The following PLCB1 variants were observed in gnomAD, a reference collection of about 807,000 sequenced individuals.
PLCB1 encodes phospholipase C beta 1.
Under a neutral mutation model 161.8 loss-of-function variants are expected in PLCB1, and 46 were observed. The observed-to-expected ratio is 0.28, with a 90% CI of 0.22 to 0.36. PLCB1 has a LOEUF of 0.36. Ranked by LOEUF, PLCB1 falls within the 10% of genes least tolerant of loss-of-function variation. The pLI, the probability that PLCB1 is intolerant of heterozygous loss-of-function variation, is 1.00. For missense variants in PLCB1, 1,016 were observed against 1,472.5 expected (o/e 0.69, Z 5.07); for synonymous variants, 517 against 503.7 (o/e 1.03, Z -0.35).
intron 3 of PLCB1, among the ~76,000 whole-genome samples, chr20:8,455,432 C>CTTTTT (rs1175763739): frequency 9.4e-5 from 7 of 74,164 alleles, no homozygotes; most frequent in Admixed American, 4.0e-4. Flanking sequence ...TATTCTTCCT[C>CTTTTT]TTTTTTTTTT....
At chr20:8,586,187 T>C (rs1986983587) in intron 3 of PLCB1, among the ~76,000 whole-genome samples, 1 of 152,372 alleles carries the variant, frequency 6.6e-6, no homozygotes, top group African/African-American at 2.4e-5. Flanking sequence ...GCCCTTGATA[T>C]GGCAAAAGAT....
intron 10 of PLCB1, among the ~76,000 whole-genome samples, chr20:8,690,395 A>T (rs1340665372): frequency 6.6e-6 from 1 of 152,106 alleles, no homozygotes; most frequent in Non-Finnish European, 1.5e-5. Flanking sequence ...TTTTTCAAGG[A>T]TAGTTAGGCA....
chr20:8,200,410 G>T (rs1012212370), intron 2 of PLCB1, among the ~76,000 whole-genome samples: 1 of 151,980 alleles, frequency 6.6e-6, no homozygotes, highest in Non-Finnish European at 1.5e-5. Flanking sequence ...TTTTGTTATA[G>T]AAAATGTGTA....
rs377741130 is a variant in PLCB1 at position 8,667,604 on chromosome 20, G to A, written c.862+8900G>A. Among the ~76,000 whole-genome samples the A allele has an allele frequency of 9.9e-5, 15 of 152,248 alleles. No individual in the cohort carries two copies. In the South Asian group the frequency reaches 1.2e-3, roughly 13 times the overall value. On this transcript the variant is annotated intron_variant, in intron 9 of 31. Transcript: ENST00000338037. Reference sequence around the variant, plus strand: ...TTCAGTGACCTCAGTGTCTGCTCAGGCCCACAGCTCTGGCCAGAAAGTCAC... The same window carrying A: ...TTCAGTGACCTCAGTGTCTGCTCAGACCCACAGCTCTGGCCAGAAAGTCAC...
intron 22 of PLCB1, among the ~76,000 whole-genome samples, chr20:8,740,977 C>T (rs1215237326): frequency 1.3e-5 from 2 of 152,196 alleles, no homozygotes; most frequent in Admixed American, 1.3e-4. Context: ...CACTGCCCTT[C>T]AAATAACTAT....
At position 8,848,322 on chromosome 20, in the gene PLCB1, T is replaced by A. The variant is rs184957886; in HGVS notation, c.3424-33300T>A. 3.2e-3 allele frequency among the ~76,000 whole-genome samples: 480 copies of A among 152,282 alleles called. 9 individuals are homozygous for A. Among genetic ancestry groups the A allele is most frequent in the Admixed American group, 0.027 (420 of 15,286 alleles). On this transcript the variant is annotated intron_variant, in intron 31 of 31. Transcript: ENST00000338037. ...AACCTGGAAGCTTTACATCATTATT[T>A]AAGAGTTTTTATAACTCAATCTTTA...
intron 3 of PLCB1, among the ~76,000 whole-genome samples, chr20:8,540,535 C>T (rs1985268550): frequency 6.6e-6 from 1 of 152,136 alleles, no homozygotes; most frequent in Admixed American, 6.5e-5. Flanking sequence ...TGCCTGTCAG[C>T]CTGAATGGGA....
intron 3 of PLCB1, among the ~76,000 whole-genome samples, chr20:8,616,428 A>G (rs1271173590): frequency 6.6e-6 from 1 of 152,098 alleles, no homozygotes; most frequent in Non-Finnish European, 1.5e-5. Context: ...AACTCATCAT[A>G]TGCTTGTTTA....
chr20:8,201,374 A>G (rs1026556403), intron 2 of PLCB1, among the ~76,000 whole-genome samples: 2 of 152,024 alleles, frequency 1.3e-5, no homozygotes, highest in Non-Finnish European at 2.9e-5. Context: ...CTCTCCATGT[A>G]TGTAATCAAA....
At chr20:8,434,546 A>C (rs1363386648) in intron 3 of PLCB1, among the ~76,000 whole-genome samples, 3 of 152,236 alleles carry the variant, frequency 2.0e-5, no homozygotes, top group African/African-American at 7.2e-5. Flanking sequence ...GGCATTTTAC[A>C]CATATTAGAA....
chr20:8,306,975 A>G (rs1303388978), intron 2 of PLCB1, among the ~76,000 whole-genome samples: 1 of 152,218 alleles, frequency 6.6e-6, no homozygotes, highest in Admixed American at 6.5e-5. Context: ...ATTTGCAAAT[A>G]CTTATCTCTG....
chr20:8,348,076 G>T (rs556915629), intron 2 of PLCB1, among the ~76,000 whole-genome samples: 2 of 152,344 alleles, frequency 1.3e-5, no homozygotes, highest in South Asian at 4.1e-4. Flanking sequence ...TTTGGGGAAA[G>T]ATATGGTTGT....
intron 3 of PLCB1, among the ~76,000 whole-genome samples, chr20:8,372,514 AAAC>A (rs2122348240): frequency 6.6e-6 from 1 of 152,342 alleles, no homozygotes; most frequent in South Asian, 2.1e-4. Context: ...AAAATGTAAA[AAAC>A]AAAGATTTTT....
Position 8,821,154 on chromosome 20 carries a change from A to T in PLCB1, c.3423+30893A>T, listed in dbSNP as rs188255877. Among the ~76,000 whole-genome samples, 288 of 152,088 alleles carry T rather than the reference A, an allele frequency of 1.9e-3. 2 individuals are homozygous for T. Among genetic ancestry groups the T allele is most frequent in the African/African-American group, 6.8e-3 (281 of 41,498 alleles). On this transcript the variant is annotated intron_variant, in intron 31 of 31. Coordinates refer to ENST00000338037, the MANE Select transcript of PLCB1 (RefSeq NM_015192.4). ...TATTGAAGAGATCAAAGCTATCTTG[A>T]GTAGAGGTAAAAGAAAAATTTTTTT...
At chr20:8,832,468 A>G (rs1436934318) in intron 31 of PLCB1, among the ~76,000 whole-genome samples, 2 of 152,254 alleles carry the variant, frequency 1.3e-5, no homozygotes, top group East Asian at 1.9e-4. Context: ...TAGCATCAGG[A>G]AAAACAGCCA....
At chr20:8,189,361 A>G (rs1054598991) in intron 2 of PLCB1, among the ~76,000 whole-genome samples, 5 of 150,242 alleles carry the variant, frequency 3.3e-5, no homozygotes, top group African/African-American at 9.7e-5. Context: ...ATCATGTTAT[A>G]TACCTTAAAT....
chr20:8,470,741 G>A (rs1982017076), intron 3 of PLCB1, among the ~76,000 whole-genome samples: 2 of 151,880 alleles, frequency 1.3e-5, no homozygotes, highest in African/African-American at 4.8e-5. Flanking sequence ...TGCCCAGACT[G>A]GTCATTCATT....
chr20:8,573,564 A>G (rs947432823), intron 3 of PLCB1, among the ~76,000 whole-genome samples: 1 of 152,228 alleles, frequency 6.6e-6, no homozygotes, highest in Non-Finnish European at 1.5e-5. Flanking sequence ...TGCTACTACC[A>G]TCAACAGGGA....
intron 3 of PLCB1, among the ~76,000 whole-genome samples, chr20:8,502,114 T>C (rs1983450300): frequency 6.6e-6 from 1 of 151,948 alleles, no homozygotes; most frequent in Non-Finnish European, 1.5e-5. Flanking sequence ...ACCATTTTAA[T>C]GTATATAATG....
Sources: allele counts gnomAD v4.1 joint callset (sites outside exome capture counted in the v4.1 genomes callset), GRCh38; gene constraint gnomAD v4.1.1; transcripts MANE v1.5; gene names NCBI Gene and HGNC (gene_info 2026-07-23, HGNC 2026-07-21).